ZNF529: variants seen among roughly 807,000 people sequenced by gnomAD.
ZNF529 encodes zinc finger protein 529.
Under a neutral mutation model 10.1 loss-of-function variants are expected in ZNF529, and 11 were observed. The ratio of observed to expected loss-of-function variants is 1.09; its 90% CI spans 0.69 to 1.81. ZNF529 has a LOEUF of 1.81. Ranked by LOEUF, ZNF529 falls within the 40% of genes most tolerant of loss-of-function variation. The pLI is 0.00. For missense variants in ZNF529, 624 were observed against 666.8 expected (o/e 0.94, Z 0.71); for synonymous variants, 204 against 215.7 (o/e 0.95, Z 0.47).
At chr19:36,567,686 A>G (rs2035950308) in intron 2 of ZNF529, among the ~76,000 whole-genome samples, 1 of 151,984 alleles carries the variant, frequency 6.6e-6, no homozygotes, top group African/African-American at 2.4e-5. Flanking sequence ...CAAGTGATCC[A>G]CCCATATCTG....
chr19:36,566,959 T>C (rs1463074615), intron 2 of ZNF529, among the ~76,000 whole-genome samples: 1 of 150,660 alleles, frequency 6.6e-6, no homozygotes, highest in East Asian at 2.0e-4. Context: ...GAGGTTGCAG[T>C]GAGCCGAGAT....
chr19:36,569,191 C>T (rs758616167), intron 2 of ZNF529, among the ~76,000 whole-genome samples: 17 of 151,950 alleles, frequency 1.1e-4, no homozygotes, highest in South Asian at 2.1e-4. Flanking sequence ...AGATCTCCAA[C>T]GGTCTGCAAA....
Position 36,597,600 on chromosome 19 carries a change from G to C in ZNF529, c.-128+7526C>G, listed in dbSNP as rs187973252. On this transcript the variant is annotated intron_variant, in intron 1 of 4. Transcript: ENST00000585960. Reference sequence around the variant, plus strand: ...GTCTGTGTGCAGGGGTGGGGGAGAGGATTAATACTTATGTGCATGTCTTTG... The same window carrying C: ...GTCTGTGTGCAGGGGTGGGGGAGAGCATTAATACTTATGTGCATGTCTTTG... 1.2e-4 allele frequency among the ~76,000 whole-genome samples: 19 copies of C among 152,182 alleles called. No homozygotes were observed. In the East Asian group the frequency reaches 3.7e-3, roughly 29 times the overall value.
chr19:36,585,637 C>G (rs1271474172), intron 2 of ZNF529, among the ~76,000 whole-genome samples: 1 of 152,188 alleles, frequency 6.6e-6, no homozygotes, highest in African/African-American at 2.4e-5. Flanking sequence ...GAAATAAAAG[C>G]TGGAAAATTG....
At chr19:36,588,528 G>A (rs1238163185) in intron 2 of ZNF529, among the ~76,000 whole-genome samples, 1 of 152,132 alleles carries the variant, frequency 6.6e-6, no homozygotes, top group African/African-American at 2.4e-5. Context: ...CTAAGTGTAT[G>A]TTTGCACCCC....
At chr19:36,586,953 A>G (rs1358310569) in intron 2 of ZNF529, among the ~76,000 whole-genome samples, 1 of 152,180 alleles carries the variant, frequency 6.6e-6, no homozygotes. Context: ...TACTTCTATC[A>G]GCATAAAGGT....
At chr19:36,549,702 C>G in intron 4 of ZNF529, among the ~76,000 whole-genome samples, 1 of 152,166 alleles carries the variant, frequency 6.6e-6, no homozygotes, top group South Asian at 2.1e-4. Flanking sequence ...TGAAGAAATA[C>G]AATCGGGATG....
At chr19:36,581,807 G>A (rs1014763976) in intron 2 of ZNF529, 29 of 158,600 alleles carry the variant, frequency 1.8e-4, no homozygotes, top group Non-Finnish European at 3.2e-4. Context: ...TATGCTTCTT[G>A]TACAGCCTAT....
At chr19:36,593,080 TA>T (rs2036761725) in intron 1 of ZNF529, among the ~76,000 whole-genome samples, 1 of 152,128 alleles carries the variant, frequency 6.6e-6, no homozygotes, top group Admixed American at 6.5e-5. Flanking sequence ...GCGATTACAA[TA>T]AGGCAACAAA....
intron 1 of ZNF529, among the ~76,000 whole-genome samples, chr19:36,602,591 T>C (rs2036944664): frequency 6.6e-6 from 1 of 151,828 alleles, no homozygotes; most frequent in East Asian, 1.9e-4. Context: ...CATTATACCA[T>C]ACTCACACAG....
Position 36,556,203 on chromosome 19 carries a change from A to G in ZNF529, c.15-6T>C. The G allele has an allele frequency of 9.5e-7, 1 of 1,053,312 alleles. No homozygotes were observed. Among genetic ancestry groups the G allele is most frequent in the Non-Finnish European group, 1.4e-6 (1 of 691,726 alleles). 65.2% of individuals were successfully genotyped at this position (1,053,312 alleles called of 1,614,324 possible). A position where few individuals can be genotyped will look rare whatever the true frequency, so the allele number is the denominator to read the frequency against. On this transcript the variant is annotated splice_polypyrimidine_tract_variant and splice_region_variant and intron_variant, in intron 2 of 4. Transcript: ENST00000591340. ...GGACATGATCCCCAATGAAACTGTA[A>G]AAATTATTTTTTAAGAAAGAACCAC...
At position 36,554,799 on chromosome 19, in the gene ZNF529, G is replaced by A. The variant is rs2145805194; in HGVS notation, c.109-3C>T. ...ACATCCCTGAGTGTCACCAGTTCCT[G>A]AAACAACAAACCCGTACATTACAGG... On this transcript the variant is annotated splice_region_variant and splice_polypyrimidine_tract_variant and intron_variant, in intron 3 of 4. Transcript: ENST00000591340. 1 of 1,549,030 alleles carries A rather than the reference G, an allele frequency of 6.5e-7. No individual in the cohort carries two copies. The highest frequency in any genetic ancestry group is 8.7e-7 in the Non-Finnish European group (1 of 1,146,684).
Position 36,555,506 on chromosome 19 carries a change from C to T in ZNF529, c.108+598G>A, listed in dbSNP as rs1405258899. Among the ~76,000 whole-genome samples, 23 of 30,844 alleles carry T rather than the reference C, an allele frequency of 7.5e-4. 8 individuals carry two copies. Among genetic ancestry groups the T allele is most frequent in the Non-Finnish European group, 2.5e-4 (4 of 15,846 alleles). 20.2% of individuals were successfully genotyped at this position (30,844 alleles called of 152,430 possible). A position where few individuals can be genotyped will look rare whatever the true frequency, so the allele number is the denominator to read the frequency against. On this transcript the variant is annotated intron_variant, in intron 3 of 4. Coordinates refer to ENST00000591340, the MANE Select transcript of ZNF529 (RefSeq NM_020951.5). ...AGAGACGGGGTTTCACCTTGTTAGC[C>T]AGGATGGTCTCGATCTCCTGACCTC... is the stretch of plus-strand genomic sequence containing the variant.
chr19:36,562,368 C>A (rs1449919394), intron 2 of ZNF529, among the ~76,000 whole-genome samples: 2 of 152,042 alleles, frequency 1.3e-5, no homozygotes, highest in African/African-American at 2.4e-5. Context: ...TGAGACTCTG[C>A]CCTTTAAGTT....
At chr19:36,603,673 C>T (rs1348075026) in intron 1 of ZNF529, among the ~76,000 whole-genome samples, 1 of 152,162 alleles carries the variant, frequency 6.6e-6, no homozygotes, top group Non-Finnish European at 1.5e-5. Context: ...ACACATTCTT[C>T]ACCACCGGCA....
rs1318584511 is a variant in ZNF529, at chr19:36,546,985, G to C, written c.1573C>G (p.Gln525Glu). The C allele has an allele frequency of 6.2e-7, 1 of 1,613,782 alleles. No individual in the cohort carries two copies. Among genetic ancestry groups the C allele is most frequent in the Admixed American group, 1.7e-5 (1 of 59,994 alleles). ...GGTTTATCATCAGTATGAATGCGCT[G>C]ATGTTTGGTAAAGGATGAACTATGT... ...FRHSSSFTKH[Q>E]RIHTDDKPYE... The change falls in exon 5 of 5, where the codon CAG (glutamine) becomes GAG (glutamate). Residue 525 changes from glutamine (Q) to glutamate (E), a missense_variant. Physicochemically the swap from Gln to Glu is conservative, Grantham distance 29. Coordinates refer to ENST00000591340, the MANE Select transcript of ZNF529 (RefSeq NM_020951.5).
chr19:36,572,488 A>C, intron 1 of ZNF529, 96 bp from the exon 2 acceptor site: 1 of 921,020 alleles, frequency 1.1e-6, no homozygotes, highest in Non-Finnish European at 1.7e-6. Context: ...ACACACAACA[A>C]ACACACCCAG....
intron 1 of ZNF529, among the ~76,000 whole-genome samples, chr19:36,597,109 CA>C (rs1277468048): frequency 6.6e-6 from 1 of 152,058 alleles, no homozygotes; most frequent in Non-Finnish European, 1.5e-5. Flanking sequence ...TGGGCTCAGG[CA>C]ATGCTCCCAT....
At chr19:36,571,642 T>C (rs1265497070) in intron 2 of ZNF529, among the ~76,000 whole-genome samples, 2 of 147,076 alleles carry the variant, frequency 1.4e-5, no homozygotes, top group Non-Finnish European at 3.0e-5. Flanking sequence ...ACCATTGCGC[T>C]CCAGCCTGGG....
Sources: gnomAD v4.1 joint callset for allele counts (sites outside exome capture counted in the v4.1 genomes callset) on GRCh38, gnomAD v4.1.1 for gene constraint, MANE v1.5 for transcripts, NCBI Gene and HGNC (gene_info 2026-07-23, HGNC 2026-07-21) for gene names.